Variants in FXR1 observed in about 807,000 individuals in gnomAD.
FXR1 encodes FMR1 autosomal homolog 1, also known as RNA-binding protein FXR1.
In FXR1, 15 loss-of-function variants were observed where a neutral mutation model predicts 84.0. The ratio of observed to expected loss-of-function variants is 0.18; its 90% CI spans 0.12 to 0.27. The LOEUF is 0.27. Among genes scored for constraint, FXR1 ranks in the 10% least tolerant of loss-of-function variants. The pLI is 1.00. For missense variants in FXR1, 480 were observed against 774.4 expected, an observed-to-expected ratio of 0.62 and a Z score of 4.51; for synonymous variants, 245 against 250.7, an observed-to-expected ratio of 0.98 and a Z score of 0.21.
chr3:180,946,448 C>T (rs929052020), intron 3 of FXR1, among the ~76,000 whole-genome samples: 1 of 152,116 alleles, frequency 6.6e-6, no homozygotes, highest in African/African-American at 2.4e-5. Flanking sequence ...AGGGTGAGTT[C>T]TGTTCTAGTC....
chr3:180,926,050 G>A (rs1277160024), intron 1 of FXR1, among the ~76,000 whole-genome samples: 1 of 152,090 alleles, frequency 6.6e-6, no homozygotes, highest in Non-Finnish European at 1.5e-5. Context: ...AATACAGTAA[G>A]TACTTTACCA....
At chr3:180,913,182 C>T (rs1031710852) in intron 1 of FXR1, among the ~76,000 whole-genome samples, 1 of 152,188 alleles carries the variant, frequency 6.6e-6, no homozygotes, top group African/African-American at 2.4e-5. Context: ...CCGACCCCTC[C>T]CCACCCCTTG....
intron 1 of FXR1, among the ~76,000 whole-genome samples, chr3:180,915,850 A>T (rs996611187): frequency 6.6e-6 from 1 of 152,230 alleles, no homozygotes; most frequent in Non-Finnish European, 1.5e-5. Context: ...TGAATATTTT[A>T]CCTAAAATTA....
At chr3:180,944,192 C>T (rs1014940939) in intron 3 of FXR1, among the ~76,000 whole-genome samples, 3 of 152,112 alleles carry the variant, frequency 2.0e-5, no homozygotes, top group South Asian at 2.1e-4. Flanking sequence ...GGATTACAGG[C>T]GTGAGCCACC....
At chr3:180,926,501 TATA>T (rs776346116) in intron 1 of FXR1, among the ~76,000 whole-genome samples, 8,870 of 78,310 alleles carry the variant, frequency 0.11, 389 homozygotes, top group East Asian at 0.25. Context: ...TATATATATA[TATA>T]TATTTTTTTT....
At position 180,947,266 on chromosome 3, in the gene FXR1, C is replaced by T. The variant is rs550553262; in HGVS notation, c.199-599C>T. 5.3e-5 allele frequency among the ~76,000 whole-genome samples: 8 copies of T among 152,244 alleles called. No homozygotes were observed. In the East Asian group the frequency reaches 1.2e-3, roughly 22 times the overall value. On this transcript the variant is annotated intron_variant, in intron 3 of 16. Transcript: ENST00000357559. ...TTTACCGTGTTGGTCAGCCTTGTCT[C>T]GAACTCCTGACCTCAGGTTATCCAC...
At chr3:180,975,139 A>G (rs1339346466) in intron 15 of FXR1, among the ~76,000 whole-genome samples, 174 bp from the exon 16 acceptor site, 1 of 152,182 alleles carries the variant, frequency 6.6e-6, no homozygotes, top group East Asian at 1.9e-4. Flanking sequence ...TTCAGCACCA[A>G]AAGCCCAGGT....
chr3:180,913,226 C>T (rs954546854), intron 1 of FXR1, among the ~76,000 whole-genome samples: 3 of 152,176 alleles, frequency 2.0e-5, no homozygotes, highest in Admixed American at 2.0e-4. Context: ...TGGAATTCAC[C>T]CTTGTATTTG....
intron 6 of FXR1, 38 bp downstream of exon 6, chr3:180,948,852 GA>G: frequency 1.1e-6 from 1 of 874,244 alleles, no homozygotes; most frequent in Non-Finnish European, 1.9e-6. Context: ...CTTATTAATG[GA>G]TATTGCACAG....
In FXR1 at chr3:180,949,295, G is replaced by A. The variant is rs779926830; in HGVS notation, c.582G>A (p.Thr194=). 8 of 1,600,522 alleles carry A rather than the reference G, an allele frequency of 5.0e-6. No individual in the cohort carries two copies. The highest frequency in any genetic ancestry group is 2.7e-5 in the African/African-American group (2 of 74,742). Residue 194 remains threonine, a synonymous_variant, in exon 7 of 17, where the codon ACG becomes ACA. Transcript: ENST00000357559. The part of the protein sequence containing the change: ...LSDMHLRSIR[T]KLMLMSRNEE... ...ACATGCATTTGCGAAGTATTCGTAC[G>A]AAGTTGATGCTTATGTCCAGAAATG...
rs1714653498 is a variant in FXR1, at chr3:180,982,364, C to T, written c.*6072C>T. 1 of 151,976 alleles carries T rather than the reference C, an allele frequency of 6.6e-6. No homozygotes were observed. Among genetic ancestry groups the T allele is most frequent in the Admixed American group, 6.6e-5 (1 of 15,230 alleles). The allele number at this position is 151,976 out of a possible 1,614,324, so 9.4% of individuals were successfully genotyped here. A position where few individuals can be genotyped will look rare whatever the true frequency, so the allele number is the denominator to read the frequency against. On this transcript the variant is annotated 3_prime_UTR_variant, in exon 17 of 17. Transcript: ENST00000357559. ...TGATCTAGAGCCCTCACATGGATAA[C>T]ATTTAAATGTTCAGTTTGCCTAATA...
intron 1 of FXR1, among the ~76,000 whole-genome samples, chr3:180,917,596 A>C (rs1718049804): frequency 6.6e-6 from 1 of 152,140 alleles, no homozygotes; most frequent in Non-Finnish European, 1.5e-5. Flanking sequence ...CAAAACGTGG[A>C]GGGGAAGGAA....
At chr3:180,926,199 G>A (rs1278467686) in intron 1 of FXR1, among the ~76,000 whole-genome samples, 1 of 152,004 alleles carries the variant, frequency 6.6e-6, no homozygotes, top group African/African-American at 2.4e-5. Context: ...TCATGCCAGC[G>A]ATTCATGAGA....
intron 13 of FXR1, among the ~76,000 whole-genome samples, chr3:180,964,780 G>C (rs1165043663): frequency 1.3e-5 from 2 of 150,764 alleles, no homozygotes; most frequent in Admixed American, 1.3e-4. Flanking sequence ...GTTGGTATGT[G>C]TGTTAAATTG....
chr3:180,931,463 C>G (rs763653136), intron 1 of FXR1, among the ~76,000 whole-genome samples: 4 of 152,162 alleles, frequency 2.6e-5, no homozygotes, highest in Non-Finnish European at 5.9e-5. Flanking sequence ...AGGTGATCTG[C>G]CTGCTCTGGC....
chr3:180,953,359 TAAATC>T (rs1351540148), intron 8 of FXR1, among the ~76,000 whole-genome samples: 1 of 152,166 alleles, frequency 6.6e-6, no homozygotes, highest in African/African-American at 2.4e-5. Context: ...TGAGAATAAA[TAAATC>T]AGACAATTTT....
intron 1 of FXR1, among the ~76,000 whole-genome samples, chr3:180,919,515 C>A (rs73055760): frequency 0.024 from 3,602 of 152,050 alleles, 83 homozygotes; most frequent in African/African-American, 0.062. Context: ...AACTCCTAAC[C>A]TCAAATGTTC....
chr3:180,954,679 A>C (rs1427017704), intron 9 of FXR1, among the ~76,000 whole-genome samples: 2 of 152,054 alleles, frequency 1.3e-5, no homozygotes, highest in African/African-American at 2.4e-5. Context: ...TAGGAGGGGG[A>C]CGAGTTTTTG....
At chr3:180,934,217 A>G (rs774852294) in intron 2 of FXR1, among the ~76,000 whole-genome samples, 6 of 152,328 alleles carry the variant, frequency 3.9e-5, no homozygotes, top group Non-Finnish European at 8.8e-5. Flanking sequence ...CAGCTGCTTC[A>G]TGTAGAAACA....
Sources: gnomAD v4.1 joint callset for allele counts (sites outside exome capture counted in the v4.1 genomes callset) on GRCh38, gnomAD v4.1.1 for gene constraint, MANE v1.5 for transcripts, NCBI Gene and HGNC (gene_info 2026-07-23, HGNC 2026-07-21) for gene names.